The following MBD5 variants were observed in gnomAD, a reference collection of about 807,000 sequenced individuals.
The protein encoded by MBD5 is methyl-CpG binding domain protein 5.
MBD5 carries 13 observed loss-of-function variants against 117.3 expected under a neutral mutation model. The ratio of observed to expected loss-of-function variants is 0.11; its 90% CI spans 0.07 to 0.18. The LOEUF is 0.18. MBD5 is among the 10% of genes least tolerant of loss of function. MBD5 has a pLI of 1.00. For synonymous variants in MBD5, 727 were observed against 766.4 expected, an observed-to-expected ratio of 0.95 and a Z score of 0.85; for missense variants, 1,879 against 2,093.8, an observed-to-expected ratio of 0.90 and a Z score of 2.00.
At chr2:148,393,802 A>G (rs1704630508) in intron 4 of MBD5, among the ~76,000 whole-genome samples, 1 of 152,144 alleles carries the variant, frequency 6.6e-6, no homozygotes, top group African/African-American at 2.4e-5. Context: ...GATAGAACAG[A>G]TATTCTTGGT....
At chr2:148,034,954 A>G (rs187784401) in intron 1 of MBD5, among the ~76,000 whole-genome samples, 21 of 152,246 alleles carry the variant, frequency 1.4e-4, no homozygotes, top group African/African-American at 5.1e-4. Flanking sequence ...GGCTCCATAG[A>G]CTGAATACTA....
chr2:148,134,142 C>T (rs1048237378), intron 1 of MBD5, among the ~76,000 whole-genome samples: 1 of 151,998 alleles, frequency 6.6e-6, no homozygotes, highest in African/African-American at 2.4e-5. Context: ...TTTGATTTTA[C>T]TTACTGCTAA....
chr2:148,315,316 C>G (rs1362902244), intron 3 of MBD5, among the ~76,000 whole-genome samples: 7 of 152,176 alleles, frequency 4.6e-5, no homozygotes, highest in Admixed American at 3.9e-4. Flanking sequence ...CTGAAAGCAC[C>G]TCACCACAAG....
At chr2:148,294,549 C>G (rs1302248914) in intron 3 of MBD5, among the ~76,000 whole-genome samples, 2 of 112,646 alleles carry the variant, frequency 1.8e-5, no homozygotes, top group Middle Eastern at 6.1e-3. Flanking sequence ...ATCGCCCAGG[C>G]TGGAGTGCAG....
intron 4 of MBD5, among the ~76,000 whole-genome samples, chr2:148,419,075 A>G (rs1705515401): frequency 6.6e-6 from 1 of 152,188 alleles, no homozygotes; most frequent in Non-Finnish European, 1.5e-5. Flanking sequence ...AATTAAAACC[A>G]AGTACTTACA....
At chr2:148,381,473 T>C (rs1704140879) in intron 4 of MBD5, among the ~76,000 whole-genome samples, 1 of 152,296 alleles carries the variant, frequency 6.6e-6, no homozygotes, top group Non-Finnish European at 1.5e-5. Context: ...AGACCAAATC[T>C]ACGTCTAATT....
chr2:148,418,065 C>G (rs1705479001), intron 4 of MBD5, among the ~76,000 whole-genome samples: 1 of 152,124 alleles, frequency 6.6e-6, no homozygotes, highest in Non-Finnish European at 1.5e-5. Flanking sequence ...GTCTTGAACT[C>G]CTGAGCTCAA....
intron 1 of MBD5, among the ~76,000 whole-genome samples, chr2:148,139,436 C>T (rs1420186860): frequency 1.3e-5 from 2 of 152,072 alleles, no homozygotes; most frequent in African/African-American, 2.4e-5. Context: ...GAAATCCTGA[C>T]CTCGGGTGAT....
intron 3 of MBD5, among the ~76,000 whole-genome samples, chr2:148,297,539 A>G (rs373174045): frequency 3.9e-5 from 6 of 152,242 alleles, no homozygotes; most frequent in African/African-American, 1.2e-4. Context: ...ATTGTTTCCA[A>G]TAATACCCCA....
chr2:148,203,104 CAAAAA>C (rs529122300), intron 2 of MBD5, among the ~76,000 whole-genome samples: 1 of 75,130 alleles, frequency 1.3e-5, no homozygotes, highest in Non-Finnish European at 2.7e-5. Context: ...GACTCCATCT[CAAAAA>C]AAAAAAAAAA....
chr2:148,174,374 A>G (rs1476617085), intron 1 of MBD5, among the ~76,000 whole-genome samples: 1 of 152,152 alleles, frequency 6.6e-6, no homozygotes, highest in African/African-American at 2.4e-5. Context: ...TTAGGGGGAA[A>G]ACTGCAAAAT....
intron 4 of MBD5, among the ~76,000 whole-genome samples, chr2:148,457,335 A>G (rs1326826503): frequency 1.3e-5 from 2 of 152,154 alleles, no homozygotes; most frequent in African/African-American, 2.4e-5. Flanking sequence ...TGAATCCCAC[A>G]ATGTAACTAT....
chr2:148,383,219 AAAG>A (rs574905874), intron 4 of MBD5, among the ~76,000 whole-genome samples: 2,817 of 152,288 alleles, frequency 0.018, 42 homozygotes, highest in Non-Finnish European at 0.027. Context: ...CAAGACTAAT[AAAG>A]AAGAAGAGAG....
At chr2:148,399,431 C>A (rs1277026993) in intron 4 of MBD5, among the ~76,000 whole-genome samples, 5 of 152,094 alleles carry the variant, frequency 3.3e-5, no homozygotes, top group African/African-American at 1.2e-4. Context: ...AATGGGAGTT[C>A]ACTCATGATT....
rs563573822 is a variant in MBD5, at chr2:148,245,492, G to A, written c.-680+12097G>A. 4.6e-5 allele frequency among the ~76,000 whole-genome samples: 7 copies of A among 152,218 alleles called. No individual in the cohort carries two copies. The South Asian group carries it at 1.5e-3, about 32-fold the overall frequency. ...TGTGCCTGTGGTCCCAGCTACTCAG[G>A]AGGCTGCAGTGGGAAGATGGGTTGA... On this transcript the variant is annotated intron_variant, in intron 3 of 13. Coordinates refer to ENST00000642680, the MANE Select transcript of MBD5 (RefSeq NM_001378120.1).
At chr2:148,378,499 AG>A (rs1190868888) in intron 4 of MBD5, among the ~76,000 whole-genome samples, 2 of 152,114 alleles carry the variant, frequency 1.3e-5, no homozygotes. Context: ...GCTTTTAAGT[AG>A]AATAAATAAT....
chr2:148,351,274 T>C (rs1574322506), intron 4 of MBD5, among the ~76,000 whole-genome samples: 1 of 151,912 alleles, frequency 6.6e-6, no homozygotes, highest in African/African-American at 2.4e-5. Context: ...TTTCCACAAA[T>C]CCCCCAGTCC....
chr2:148,351,131 A>G (rs1009224708), intron 4 of MBD5, among the ~76,000 whole-genome samples: 10 of 152,020 alleles, frequency 6.6e-5, no homozygotes, highest in African/African-American at 2.2e-4. Context: ...TATTTAATCC[A>G]AGGACTTTTT....
chr2:148,357,391 C>T (rs1352624618), intron 4 of MBD5, among the ~76,000 whole-genome samples: 1 of 152,080 alleles, frequency 6.6e-6, no homozygotes, highest in Non-Finnish European at 1.5e-5. Context: ...TGATGCTCCA[C>T]TCTCTTCAGA....
Sources: allele counts gnomAD v4.1 joint callset (sites outside exome capture counted in the v4.1 genomes callset), GRCh38; gene constraint gnomAD v4.1.1; transcripts MANE v1.5; gene names NCBI Gene and HGNC (gene_info 2026-07-23, HGNC 2026-07-21).